The following LPP variants were observed in gnomAD, a reference collection of about 807,000 sequenced individuals.
The protein encoded by LPP is lipoma-preferred partner.
A neutral mutation model predicts 60.4 loss-of-function variants in LPP; 38 were observed. The observed-to-expected ratio is 0.63, with a 90% CI of 0.49 to 0.83. The LOEUF (loss-of-function observed/expected upper bound fraction) is 0.83, where lower values mean the gene tolerates loss of function less well. Among genes scored for constraint, LPP ranks in the 40% least tolerant of loss-of-function variants. The pLI is 0.00. For missense variants in LPP, 902 were observed against 783.6 expected, an observed-to-expected ratio of 1.15 and a Z score of -1.80; for synonymous variants, 328 against 290.8, an observed-to-expected ratio of 1.13 and a Z score of -1.30.
chr3:188,858,644 C>T (rs2151923739), intron 9 of LPP, among the ~76,000 whole-genome samples: 1 of 152,184 alleles, frequency 6.6e-6, no homozygotes, highest in African/African-American at 2.4e-5. Flanking sequence ...TTTGTTCTTT[C>T]TGTTGGCTTT....
chr3:188,205,311 T>C (rs1345171044), intron 1 of LPP, among the ~76,000 whole-genome samples: 1 of 146,774 alleles, frequency 6.8e-6, no homozygotes, highest in Non-Finnish European at 1.5e-5. Context: ...GGCAGAGTCT[T>C]GCTCTGTCAT....
At position 188,875,915 on chromosome 3, in the gene LPP, TA is replaced by T. The variant is rs1256022258; in HGVS notation, c.*1439del. ...CTAAGGATTTTGGACTGAGATTTCT[TA>T]AATCTTTCTTCAAATCTCCCACAAG... On this transcript the variant is annotated 3_prime_UTR_variant, in exon 12 of 12. Coordinates refer to ENST00000617246, the MANE Select transcript of LPP (RefSeq NM_001375462.1). 5.4e-6 allele frequency: 1 copy of T among 185,892 alleles called. No homozygotes were observed. Among genetic ancestry groups the T allele is most frequent in the Non-Finnish European group, 1.1e-5 (1 of 87,696 alleles). 11.5% of individuals were successfully genotyped at this position (185,892 alleles called of 1,614,324 possible).
intron 3 of LPP, among the ~76,000 whole-genome samples, chr3:188,398,962 T>C (rs955224786): frequency 6.6e-6 from 1 of 152,204 alleles, no homozygotes; most frequent in African/African-American, 2.4e-5. Context: ...AAGAGGAGAA[T>C]TACAGATGAT....
At chr3:188,666,889 C>T (rs1400236150) in intron 7 of LPP, among the ~76,000 whole-genome samples, 1 of 152,146 alleles carries the variant, frequency 6.6e-6, no homozygotes, top group African/African-American at 2.4e-5. Context: ...CCTACCATCC[C>T]CATTGGGGAA....
At chr3:188,227,118 G>A (rs904053062) in intron 2 of LPP, among the ~76,000 whole-genome samples, 1 of 152,066 alleles carries the variant, frequency 6.6e-6, no homozygotes, top group Non-Finnish European at 1.5e-5. Context: ...TGATAGAAAG[G>A]GAGAGATTTC....
chr3:188,443,014 A>G (rs558512650), intron 4 of LPP, among the ~76,000 whole-genome samples: 1 of 152,306 alleles, frequency 6.6e-6, no homozygotes, highest in Non-Finnish European at 1.5e-5. Context: ...GAGACACACA[A>G]ATTTTTTTTC....
At chr3:188,241,011 A>G (rs2149462185) in intron 2 of LPP, among the ~76,000 whole-genome samples, 1 of 152,322 alleles carries the variant, frequency 6.6e-6, no homozygotes, top group Middle Eastern at 3.4e-3. Flanking sequence ...ATGTATGCAT[A>G]GTCTAAAGTG....
chr3:188,198,889 A>G (rs1039255660), intron 1 of LPP, among the ~76,000 whole-genome samples: 31 of 152,194 alleles, frequency 2.0e-4, no homozygotes, highest in African/African-American at 7.2e-4. Flanking sequence ...GCTTTGTTCC[A>G]ATTGTTTATT....
chr3:188,631,794 T>C lies in LPP; in HGVS notation c.1113+21950T>C, dbSNP rs543919105. Among the ~76,000 whole-genome samples the C allele has an allele frequency of 1.6e-4, 25 of 152,252 alleles. No individual in the cohort carries two copies. The South Asian group carries it at 2.7e-3, about 16-fold the overall frequency. On this transcript the variant is annotated intron_variant, in intron 7 of 11. Transcript: ENST00000617246. ...ATTCCAGGAACTCATTCCTATACAATGACGATGGGTGATGACTTAAGCACA... is the reference window on the plus strand; with the variant it reads ...ATTCCAGGAACTCATTCCTATACAACGACGATGGGTGATGACTTAAGCACA...
At position 188,182,135 on chromosome 3, in the gene LPP, C is replaced by G. The variant is rs892060791; in HGVS notation, c.-190+27883C>G. 6.6e-6 allele frequency among the ~76,000 whole-genome samples: 1 copy of G among 152,184 alleles called. No homozygotes were observed. The highest frequency in any genetic ancestry group is 1.5e-5 in the Non-Finnish European group (1 of 68,038). On this transcript the variant is annotated intron_variant, in intron 1 of 11. Coordinates refer to ENST00000617246, the MANE Select transcript of LPP (RefSeq NM_001375462.1). This position sits in a 1 kb window ranked among gnomAD's most constrained non-coding sequence, Gnocchi z 4.4. ...GCCTCAGCACATTTCCTGAGTGGTG[C>G]TTAATAGATGCTCAGCAAATCTGTG... is the stretch of plus-strand genomic sequence containing the variant.
At chr3:188,673,025 C>T (rs1857265408) in intron 7 of LPP, among the ~76,000 whole-genome samples, 2 of 151,384 alleles carry the variant, frequency 1.3e-5, no homozygotes, top group Non-Finnish European at 2.9e-5. Flanking sequence ...TATTAAGTCC[C>T]ATTTGGGCCA....
chr3:188,587,733 T>C (rs986815200), intron 6 of LPP, among the ~76,000 whole-genome samples: 1 of 152,246 alleles, frequency 6.6e-6, no homozygotes, highest in Non-Finnish European at 1.5e-5. Flanking sequence ...CTCAGGACTT[T>C]AAATAAGTTG....
chr3:188,787,006 G>A (rs963235104), intron 9 of LPP, among the ~76,000 whole-genome samples: 2 of 152,202 alleles, frequency 1.3e-5, no homozygotes, highest in Admixed American at 1.3e-4. Flanking sequence ...TCATTGTGGT[G>A]ATGGAACTGC....
intron 9 of LPP, among the ~76,000 whole-genome samples, chr3:188,773,824 G>A (rs1333624382): frequency 6.6e-6 from 1 of 151,870 alleles, no homozygotes; most frequent in Non-Finnish European, 1.5e-5. Context: ...TGGGGCCTCA[G>A]GAAAGAACTA....
rs770945436 is a variant in LPP at position 188,877,816 on chromosome 3, T to C, written c.*3337T>C. ...CATAAGGCATCAGGTTGTTAGATGC[T>C]GGCATCTCTGCAGCTCAAAGATGTG... On this transcript the variant is annotated 3_prime_UTR_variant, in exon 12 of 12. Coordinates refer to ENST00000617246, the MANE Select transcript of LPP (RefSeq NM_001375462.1). 5 of 216,484 alleles carry C rather than the reference T, an allele frequency of 2.3e-5. No homozygotes were observed. Among genetic ancestry groups the C allele is most frequent in the Non-Finnish European group, 4.7e-5 (5 of 107,494 alleles). The allele number at this position is 216,484 out of a possible 1,614,324, so 13.4% of individuals were successfully genotyped here. A position where few individuals can be genotyped will look rare whatever the true frequency, so the allele number is the denominator to read the frequency against.
At chr3:188,479,228 G>A (rs994174064) in intron 4 of LPP, among the ~76,000 whole-genome samples, 7 of 152,262 alleles carry the variant, frequency 4.6e-5, no homozygotes, top group Non-Finnish European at 8.8e-5. Flanking sequence ...ATGCTTTTAT[G>A]CTTACCTTAA....
At chr3:188,824,145 G>A (rs1164215566) in intron 9 of LPP, among the ~76,000 whole-genome samples, 1 of 152,156 alleles carries the variant, frequency 6.6e-6, no homozygotes, top group Middle Eastern at 3.2e-3. Context: ...TTTTAAGTTG[G>A]TAATTTATCC....
At chr3:188,167,420 C>T (rs554989616) in intron 1 of LPP, among the ~76,000 whole-genome samples, 7 of 152,234 alleles carry the variant, frequency 4.6e-5, no homozygotes, top group Admixed American at 1.3e-4. Context: ...ATTGCTTGAA[C>T]CCAGGAGGCA....
At chr3:188,523,072 TA>T (rs1819450394) in intron 5 of LPP, among the ~76,000 whole-genome samples, 1 of 151,868 alleles carries the variant, frequency 6.6e-6, no homozygotes, top group African/African-American at 2.4e-5. Context: ...CACACCCAGC[TA>T]ATTTTTGTAT....
Sources: allele counts gnomAD v4.1 joint callset (sites outside exome capture counted in the v4.1 genomes callset), GRCh38; gene constraint gnomAD v4.1.1; non-coding constraint Gnocchi (gnomAD v3.1); transcripts MANE v1.5; gene names NCBI Gene and HGNC (gene_info 2026-07-23, HGNC 2026-07-21).